The following CACNA2D1 variants were observed in gnomAD, a reference collection of about 807,000 sequenced individuals.
The protein encoded by CACNA2D1 is voltage-dependent calcium channel subunit alpha-2/delta-1.
Under a neutral mutation model 171.5 loss-of-function variants are expected in CACNA2D1, and 53 were observed. The ratio of observed to expected loss-of-function variants is 0.31; its 90% CI spans 0.25 to 0.39. CACNA2D1 has a LOEUF of 0.39. Ranked by LOEUF, CACNA2D1 falls within the 10% of genes least tolerant of loss-of-function variation. The pLI is 1.00. For missense variants in CACNA2D1, 903 were observed against 1,299.8 expected, an observed-to-expected ratio of 0.69 and a Z score of 4.69; for synonymous variants, 442 against 443.1, an observed-to-expected ratio of 1.00 and a Z score of 0.03.
At chr7:82,192,188 C>T (rs1798366172) in intron 3 of CACNA2D1, among the ~76,000 whole-genome samples, 1 of 151,388 alleles carries the variant, frequency 6.6e-6, no homozygotes, top group Admixed American at 6.6e-5. Flanking sequence ...AATAGAATGA[C>T]TTTGTGTCCA....
At chr7:82,287,839 C>G (rs1303158735) in intron 3 of CACNA2D1, among the ~76,000 whole-genome samples, 1 of 143,164 alleles carries the variant, frequency 7.0e-6, no homozygotes, top group East Asian at 2.0e-4. Context: ...TATCTCCTTA[C>G]TTTTTTTTGT....
At chr7:82,226,491 G>C (rs1362961524) in intron 3 of CACNA2D1, among the ~76,000 whole-genome samples, 1 of 152,122 alleles carries the variant, frequency 6.6e-6, no homozygotes. Context: ...TTTGTAGACA[G>C]GTGTGCAGGC....
rs35774007 is a variant in CACNA2D1, at chr7:82,197,810, A to AACAC, written c.295-27205_295-27202dup. ...TCTAATGTCTTTTTTAAACTATACA[A>AACAC]ACACACACACACACACTACCATGTG... On this transcript the variant is annotated intron_variant, in intron 3 of 38. Coordinates refer to ENST00000356860, the MANE Select transcript of CACNA2D1 (RefSeq NM_000722.4). Among the ~76,000 whole-genome samples the AACAC allele has an allele frequency of 5.1e-3, 763 of 150,868 alleles. 10 individuals are homozygous for AACAC. The highest frequency in any genetic ancestry group is 0.026 in the East Asian group (134 of 5,118).
rs901061116 is a variant in CACNA2D1 at position 82,000,110 on chromosome 7, T to C, written c.1591-2860A>G. 2.6e-5 allele frequency among the ~76,000 whole-genome samples: 4 copies of C among 151,816 alleles called. No homozygotes were observed. In the East Asian group the frequency reaches 7.8e-4, roughly 30 times the overall value. The stretch of plus-strand genomic sequence containing the variant: ...CCCGTCTCTACTAAAAATACAAAAA[T>C]TAGATGGGCATGGTGGCCAGCACCT... On this transcript the variant is annotated intron_variant, in intron 18 of 38. Transcript: ENST00000356860.
Position 82,220,883 on chromosome 7 carries a change from A to G in CACNA2D1, c.295-50274T>C, listed in dbSNP as rs557532536. ...AACCTCCACCACACAGGTTAAAGCGATTCTCATGCCTCAGCCTCCAGAGTA... is the reference window on the plus strand; with the variant it reads ...AACCTCCACCACACAGGTTAAAGCGGTTCTCATGCCTCAGCCTCCAGAGTA... On this transcript the variant is annotated intron_variant, in intron 3 of 38. Coordinates refer to ENST00000356860, the MANE Select transcript of CACNA2D1 (RefSeq NM_000722.4). Among the ~76,000 whole-genome samples, 13 of 150,890 alleles carry G rather than the reference A, an allele frequency of 8.6e-5. No individual in the cohort carries two copies. In the South Asian group the frequency reaches 2.7e-3, roughly 31 times the overall value.
At chr7:82,403,775 G>T (rs1040601486) in intron 1 of CACNA2D1, among the ~76,000 whole-genome samples, 2 of 152,146 alleles carry the variant, frequency 1.3e-5, no homozygotes. Flanking sequence ...CAATCCCAGT[G>T]TCCTCCTCAA....
intron 1 of CACNA2D1, among the ~76,000 whole-genome samples, chr7:82,377,658 C>G (rs1408662166): frequency 6.6e-6 from 1 of 152,094 alleles, no homozygotes; most frequent in East Asian, 1.9e-4. Flanking sequence ...GGTTAGGAAC[C>G]CTTTAAAGGA....
chr7:81,963,787 A>G (rs1445485848), intron 34 of CACNA2D1, among the ~76,000 whole-genome samples: 1 of 152,012 alleles, frequency 6.6e-6, no homozygotes, highest in East Asian at 1.9e-4. Context: ...AAGAGTTTCA[A>G]TAGATATGTA....
intron 4 of CACNA2D1, among the ~76,000 whole-genome samples, chr7:82,168,261 A>T (rs1584982153): frequency 1.3e-5 from 2 of 152,186 alleles, no homozygotes; most frequent in South Asian, 4.2e-4. Context: ...CTCCTGCCTC[A>T]GCCTACCAAG....
chr7:82,007,709 G>A lies in CACNA2D1; in HGVS notation c.1410C>T (p.Thr470=), dbSNP rs771969809. 39 of 1,597,274 alleles carry A rather than the reference G, an allele frequency of 2.4e-5. No individual in the cohort carries two copies. The Middle Eastern group carries it at 1.0e-3, about 41-fold the overall frequency. ...AGTTTGTCTTATTTTCAAATTGGCCGGTTATGTTGAAGACCGGAAGAGTTC... is the reference window on the plus strand; with the variant it reads ...AGTTTGTCTTATTTTCAAATTGGCCAGTTATGTTGAAGACCGGAAGAGTTC... The part of the protein sequence containing the change: ...ITGTLPVFNI[T]GQFENKTNLK... Residue 470 remains threonine, a synonymous_variant, in exon 16 of 39, where the codon ACC becomes ACT. Transcript: ENST00000356860.
At chr7:82,369,603 G>C (rs1822139778) in intron 1 of CACNA2D1, among the ~76,000 whole-genome samples, 1 of 151,880 alleles carries the variant, frequency 6.6e-6, no homozygotes, top group Non-Finnish European at 1.5e-5. Context: ...CAGAAAATAA[G>C]CTGATTTCAC....
At chr7:82,000,135 T>A (rs1798434333) in intron 18 of CACNA2D1, among the ~76,000 whole-genome samples, 1 of 152,044 alleles carries the variant, frequency 6.6e-6, no homozygotes, top group South Asian at 2.1e-4. Flanking sequence ...GGCCAGCACC[T>A]GTAATCCCAG....
intron 1 of CACNA2D1, among the ~76,000 whole-genome samples, chr7:82,378,237 A>G (rs1409069290): frequency 6.6e-6 from 1 of 152,024 alleles, no homozygotes; most frequent in Admixed American, 6.6e-5. Context: ...TCTCTACAAA[A>G]AAATGTTTTT....
At chr7:82,009,338 TCATA>T (rs1799481704) in intron 15 of CACNA2D1, 1 of 152,152 alleles carries the variant, frequency 6.6e-6, no homozygotes, top group Non-Finnish European at 1.5e-5. Flanking sequence ...GAGAACAGAC[TCATA>T]CAGTGATAGA....
chr7:82,373,483 G>A (rs1011287703), intron 1 of CACNA2D1, among the ~76,000 whole-genome samples: 3 of 152,114 alleles, frequency 2.0e-5, no homozygotes, highest in Admixed American at 6.6e-5. Context: ...TTTCTGTGCT[G>A]TCAATTCCCC....
intron 3 of CACNA2D1, among the ~76,000 whole-genome samples, chr7:82,288,064 T>A (rs1440005682): frequency 6.6e-6 from 1 of 150,908 alleles, no homozygotes; most frequent in African/African-American, 2.4e-5. Flanking sequence ...ATGGACTCGA[T>A]CTCCTGACCT....
intron 1 of CACNA2D1, among the ~76,000 whole-genome samples, chr7:82,413,916 A>G (rs1484525782): frequency 3.9e-5 from 6 of 152,208 alleles, no homozygotes; most frequent in Admixed American, 3.9e-4. Context: ...ATGATATACT[A>G]TCCTGAATAA....
chr7:82,221,774 CA>C (rs34604173), intron 3 of CACNA2D1, among the ~76,000 whole-genome samples: 14,534 of 125,270 alleles, frequency 0.12, 1,146 homozygotes, highest in African/African-American at 0.25. Context: ...TCACTGTTAC[CA>C]AAAAAAAAAA....
intron 1 of CACNA2D1, among the ~76,000 whole-genome samples, chr7:82,401,846 G>C (rs986568811): frequency 2.6e-5 from 4 of 152,056 alleles, no homozygotes; most frequent in South Asian, 4.1e-4. Flanking sequence ...CATTTTAATG[G>C]GGAAGACAGA....
Sources: allele counts gnomAD v4.1 joint callset (sites outside exome capture counted in the v4.1 genomes callset), GRCh38; gene constraint gnomAD v4.1.1; transcripts MANE v1.5; gene names NCBI Gene and HGNC (gene_info 2026-07-23, HGNC 2026-07-21).